The following SMG1 variants were observed in gnomAD, a reference collection of about 807,000 sequenced individuals.
SMG1 encodes serine/threonine-protein kinase SMG1.
In SMG1, 22 loss-of-function variants were observed where a neutral mutation model predicts 419.9. The ratio of observed to expected loss-of-function variants is 0.05; its 90% CI spans 0.04 to 0.07. SMG1 has a LOEUF of 0.07. SMG1 is among the 10% of genes least tolerant of loss of function. The pLI is 1.00. For missense variants in SMG1, 3,185 were observed against 4,342.0 expected (o/e 0.73, Z 7.49); for synonymous variants, 1,538 against 1,553.5 (o/e 0.99, Z 0.23).
chr16:18,894,013 C>T (rs148004239), intron 3 of SMG1, among the ~76,000 whole-genome samples: 261 of 151,606 alleles, frequency 1.7e-3, no homozygotes, highest in Admixed American at 3.4e-3. Flanking sequence ...GCTGAGATTG[C>T]GCCACTGCAC....
chr16:18,833,121 G>A lies in SMG1; in HGVS notation c.8611C>T (p.Arg2871Ter). ...FRQIIFPEALRCLMKGEYTLE... is the reference protein window; with the variant it reads ...FRQIIFPEAL ...GTGTATTCCCCTTTCATTAAACATC[G>A]AAGTGCTTCTGGAAATATGATTTGC... Residue 2871 changes from arginine to a stop codon, truncating the protein, a stop_gained, in exon 51 of 63, where the codon CGA becomes TGA. Coordinates refer to ENST00000446231, the MANE Select transcript of SMG1 (RefSeq NM_015092.5). LOFTEE classifies it high-confidence loss of function. 1 of 1,613,884 alleles carries A rather than the reference G, an allele frequency of 6.2e-7. No individual in the cohort carries two copies. Among genetic ancestry groups the A allele is most frequent in the Non-Finnish European group, 8.5e-7 (1 of 1,179,858 alleles).
intron 1 of SMG1, among the ~76,000 whole-genome samples, chr16:18,902,614 T>C (rs1048906272): frequency 2.0e-5 from 3 of 151,664 alleles, no homozygotes; most frequent in African/African-American, 7.3e-5. Flanking sequence ...GTAGGAGGAC[T>C]GCCTGAACCT....
At chr16:18,921,586 G>C (rs982187296) in intron 1 of SMG1, among the ~76,000 whole-genome samples, 4 of 151,836 alleles carry the variant, frequency 2.6e-5, no homozygotes, top group African/African-American at 7.3e-5. Flanking sequence ...AAGTAATTGC[G>C]GTTTTTGCCA....
intron 6 of SMG1, among the ~76,000 whole-genome samples, chr16:18,887,516 CTTT>C (rs574179061): frequency 9.1e-6 from 1 of 110,138 alleles, no homozygotes; most frequent in African/African-American, 3.4e-5. Context: ...TTTTTTTTTC[CTTT>C]TTTTTTTTTT....
intron 41 of SMG1, among the ~76,000 whole-genome samples, chr16:18,840,511 G>A (rs750978604): frequency 1.1e-4 from 17 of 152,100 alleles, no homozygotes; most frequent in Non-Finnish European, 2.4e-4. Flanking sequence ...TTAGCTAGAT[G>A]TGGGATCCTG....
At chr16:18,919,948 G>A (rs1019920551) in intron 1 of SMG1, among the ~76,000 whole-genome samples, 7 of 150,984 alleles carry the variant, frequency 4.6e-5, no homozygotes, top group South Asian at 4.2e-4. Flanking sequence ...AAAATTAGCC[G>A]GGCCTGGTGA....
At chr16:18,921,543 A>G (rs2038201333) in intron 1 of SMG1, among the ~76,000 whole-genome samples, 1 of 151,910 alleles carries the variant, frequency 6.6e-6, no homozygotes, top group South Asian at 2.1e-4. Context: ...ATTCTATTTG[A>G]CTCTAGTTCC....
intron 48 of SMG1, among the ~76,000 whole-genome samples, chr16:18,835,460 C>T (rs1243232096): frequency 6.6e-6 from 1 of 151,732 alleles, no homozygotes; most frequent in Non-Finnish European, 1.5e-5. Flanking sequence ...GGCAACACGG[C>T]GAAACTCCAT....
rs1207948289 is a variant in SMG1, at chr16:18,838,090, T to A, written c.7337A>T (p.Glu2446Val). Residue 2446 changes from glutamate (E) to valine (V), a missense_variant, in exon 45 of 63, where the codon GAG becomes GTG. By Grantham distance (121) the Glu-to-Val change is moderately radical. Transcript: ENST00000446231. ...AVYGGGGQQAESKQSKREMER... is the reference protein window; with the variant it reads ...AVYGGGGQQAVSKQSKREMER... Reference sequence around the variant, plus strand: ...CATCTCTCTCTTGCTCTGCTTGCTCTCGGCCTGCTGGCCACCTCCACCATA... The same window carrying A: ...CATCTCTCTCTTGCTCTGCTTGCTCACGGCCTGCTGGCCACCTCCACCATA... The A allele has an allele frequency of 1.2e-6, 2 of 1,613,888 alleles. No homozygotes were observed. The highest frequency in any genetic ancestry group is 1.7e-6 in the Non-Finnish European group (2 of 1,179,900).
intron 55 of SMG1, among the ~76,000 whole-genome samples, chr16:18,827,352 A>G (rs2606548): frequency 0.51 from 76,182 of 150,560 alleles, 19,530 homozygotes; most frequent in Middle Eastern, 0.6. Context: ...CTTGAACCCG[A>G]GAGGCAGAGG....
At chr16:18,866,979 C>A (rs867852996) in intron 22 of SMG1, among the ~76,000 whole-genome samples, 19 of 152,264 alleles carry the variant, frequency 1.2e-4, no homozygotes, top group African/African-American at 4.6e-4. Context: ...ACCTTAGCAG[C>A]ACATGGATGT....
intron 2 of SMG1, among the ~76,000 whole-genome samples, chr16:18,896,547 A>C (rs1366327221): frequency 6.6e-6 from 1 of 152,234 alleles, no homozygotes; most frequent in African/African-American, 2.4e-5. Flanking sequence ...AAATAAAAAC[A>C]AAAATAGTAT....
At chr16:18,895,038 C>T (rs2037057865) in intron 3 of SMG1, among the ~76,000 whole-genome samples, 1 of 151,838 alleles carries the variant, frequency 6.6e-6, no homozygotes. Flanking sequence ...AGGATGGTCT[C>T]GATCTCCTGA....
chr16:18,897,286 G>A (rs2037169922), intron 1 of SMG1, among the ~76,000 whole-genome samples: 1 of 152,082 alleles, frequency 6.6e-6, no homozygotes, highest in African/African-American at 2.4e-5. Context: ...TGGTTACTCT[G>A]GTCCAGTGTT....
Position 18,836,452 on chromosome 16 carries a change from T to C in SMG1, c.7685A>G (p.Gln2562Arg), listed in dbSNP as rs2033580220. The C allele has an allele frequency of 6.2e-7, 1 of 1,613,964 alleles. No individual in the cohort carries two copies. The highest frequency in any genetic ancestry group is 1.7e-5 in the Admixed American group (1 of 60,008). Residue 2562 changes from glutamine to arginine, a missense_variant, in exon 47 of 63, where the codon CAA (glutamine) becomes CGA (arginine). Coordinates refer to ENST00000446231, the MANE Select transcript of SMG1 (RefSeq NM_015092.5). The part of the protein sequence containing the change: ...AIQVKLNEFE[Q>R]WITHYQAAFN... ...TGCAGCCTGATAATGTGTTATCCATTGTTCAAATTCATTCAGCTTCACCTG... is the reference window on the plus strand; with the variant it reads ...TGCAGCCTGATAATGTGTTATCCATCGTTCAAATTCATTCAGCTTCACCTG...
intron 10 of SMG1, among the ~76,000 whole-genome samples, chr16:18,880,286 T>C (rs1370930283): frequency 6.6e-6 from 1 of 152,176 alleles, no homozygotes; most frequent in Non-Finnish European, 1.5e-5. Flanking sequence ...TTAACTATAA[T>C]GGCCAATAAT....
intron 42 of SMG1, among the ~76,000 whole-genome samples, chr16:18,839,239 G>C (rs562118495): frequency 6.6e-6 from 1 of 151,824 alleles, no homozygotes; most frequent in Non-Finnish European, 1.5e-5. Flanking sequence ...AGGTCTTTAC[G>C]TGAGTAAATT....
At chr16:18,901,875 G>A (rs966477384) in intron 1 of SMG1, among the ~76,000 whole-genome samples, 1 of 150,410 alleles carries the variant, frequency 6.6e-6, no homozygotes, top group Non-Finnish European at 1.5e-5. Flanking sequence ...TACTCAGGAG[G>A]CTGAGGTTTC....
In SMG1 at chr16:18,838,073, T is replaced by TCTTGCTCTG. The variant is rs2033691119; in HGVS notation, c.7345_7353dup (p.Gln2449_Lys2451dup). 3.1e-6 allele frequency: 5 copies of TCTTGCTCTG among 1,613,890 alleles called. No individual in the cohort carries two copies. The highest frequency in any genetic ancestry group is 4.2e-6 in the Non-Finnish European group (5 of 1,179,904). On this transcript the variant is annotated inframe_insertion, in exon 45 of 63. Coordinates refer to ENST00000446231, the MANE Select transcript of SMG1 (RefSeq NM_015092.5). The stretch of plus-strand genomic sequence containing the variant: ...CGGGTGATCTCTCGCTCCATCTCTC[T>TCTTGCTCTG]CTTGCTCTGCTTGCTCTCGGCCTGC...
Sources: gnomAD v4.1 joint callset for allele counts (sites outside exome capture counted in the v4.1 genomes callset) on GRCh38, gnomAD v4.1.1 for gene constraint, MANE v1.5 for transcripts, NCBI Gene and HGNC (gene_info 2026-07-23, HGNC 2026-07-21) for gene names.